Variants in NR6A1 observed in about 807,000 individuals in gnomAD.
NR6A1 encodes nuclear receptor subfamily 6 group A member 1.
Under a neutral mutation model 59.1 loss-of-function variants are expected in NR6A1, and 7 were observed. The observed-to-expected ratio is 0.12, with a 90% CI of 0.07 to 0.22. The LOEUF is 0.22. Among genes scored for constraint, NR6A1 ranks in the 10% least tolerant of loss-of-function variants. NR6A1 has a pLI of 1.00. For synonymous variants in NR6A1, 243 were observed against 236.1 expected, an observed-to-expected ratio of 1.03 and a Z score of -0.27; for missense variants, 468 against 611.6, an observed-to-expected ratio of 0.77 and a Z score of 2.48.
intron 2 of NR6A1, among the ~76,000 whole-genome samples, chr9:124,688,665 A>C (rs1360654248): frequency 2.0e-5 from 3 of 152,222 alleles, no homozygotes; most frequent in African/African-American, 7.2e-5. Flanking sequence ...CAAAAAAAGC[A>C]ACATCGTATC....
At chr9:124,677,815 T>G (rs1486687994) in intron 2 of NR6A1, among the ~76,000 whole-genome samples, 2 of 152,160 alleles carry the variant, frequency 1.3e-5, no homozygotes, top group Non-Finnish European at 2.9e-5. Context: ...CTTTATAGTT[T>G]GCCAATGTCT....
At chr9:124,664,299 T>C (rs1053343496) in intron 2 of NR6A1, among the ~76,000 whole-genome samples, 1 of 152,136 alleles carries the variant, frequency 6.6e-6, no homozygotes, top group Admixed American at 6.5e-5. Context: ...GTAAGGGAGA[T>C]TGTGCGATGT....
At chr9:124,702,214 G>A (rs1300981716) in intron 2 of NR6A1, among the ~76,000 whole-genome samples, 1 of 152,128 alleles carries the variant, frequency 6.6e-6, no homozygotes, top group East Asian at 1.9e-4. Flanking sequence ...ACAAAGATAT[G>A]CTTGATACAT....
chr9:124,752,127 T>C (rs761368312), intron 1 of NR6A1, among the ~76,000 whole-genome samples: 1 of 152,064 alleles, frequency 6.6e-6, no homozygotes, highest in Non-Finnish European at 1.5e-5. Flanking sequence ...AAATTAGCTG[T>C]GCATGGTGGC....
At chr9:124,588,597 GC>G (rs2131481797) in intron 2 of NR6A1, among the ~76,000 whole-genome samples, 1 of 149,054 alleles carries the variant, frequency 6.7e-6, no homozygotes, top group East Asian at 2.1e-4. Context: ...GTGAGCCACT[GC>G]ACCCAGGAAC....
At chr9:124,525,462 C>G (rs1382059071) in intron 8 of NR6A1, among the ~76,000 whole-genome samples, 1 of 152,060 alleles carries the variant, frequency 6.6e-6, no homozygotes, top group Non-Finnish European at 1.5e-5. Flanking sequence ...TCAATAGATT[C>G]TCCCACCTCA....
chr9:124,522,490 T>C lies in NR6A1; in HGVS notation c.*215A>G. The C allele has an allele frequency of 2.5e-6, 1 of 396,010 alleles. No homozygotes were observed. The highest frequency in any genetic ancestry group is 4.7e-6 in the Non-Finnish European group (1 of 211,534). The allele number at this position is 396,010 out of a possible 1,614,324, so 24.5% of individuals were successfully genotyped here. On this transcript the variant is annotated 3_prime_UTR_variant, in exon 10 of 10. Transcript: ENST00000487099. The stretch of plus-strand genomic sequence containing the variant: ...CATTCACACAAAAGCATGTGCATCA[T>C]GTTGAAGGCCATACATTCAACTCTG...
At chr9:124,636,255 C>T (rs571809513) in intron 2 of NR6A1, among the ~76,000 whole-genome samples, 47 of 152,118 alleles carry the variant, frequency 3.1e-4, no homozygotes, top group African/African-American at 1.1e-3. Flanking sequence ...AAGTAACAGT[C>T]CTCCATCAGG....
intron 2 of NR6A1, among the ~76,000 whole-genome samples, chr9:124,682,094 A>T (rs1838181503): frequency 6.6e-6 from 1 of 152,100 alleles, no homozygotes; most frequent in African/African-American, 2.4e-5. Flanking sequence ...TCCTTGGTTC[A>T]AGCGATTCTC....
chr9:124,730,000 A>G (rs1321720630), intron 2 of NR6A1, among the ~76,000 whole-genome samples: 1 of 151,800 alleles, frequency 6.6e-6, no homozygotes, highest in Non-Finnish European at 1.5e-5. Flanking sequence ...TTTAGTAGAG[A>G]TGGGGTTTCT....
At chr9:124,537,024 T>C (rs1833288060) in intron 6 of NR6A1, among the ~76,000 whole-genome samples, 1 of 151,432 alleles carries the variant, frequency 6.6e-6, no homozygotes, top group Admixed American at 6.6e-5. Context: ...GCTTTCTTCC[T>C]CTCAAGGCCC....
At chr9:124,701,365 C>A (rs1188257247) in intron 2 of NR6A1, among the ~76,000 whole-genome samples, 1 of 152,122 alleles carries the variant, frequency 6.6e-6, no homozygotes, top group Non-Finnish European at 1.5e-5. Flanking sequence ...TGTTCTTTTA[C>A]CCATGTTTTC....
At chr9:124,743,487 T>C (rs1245391505) in intron 1 of NR6A1, among the ~76,000 whole-genome samples, 1 of 152,242 alleles carries the variant, frequency 6.6e-6, no homozygotes, top group Non-Finnish European at 1.5e-5. Flanking sequence ...AGGGGGATAC[T>C]ATGCCCATGT....
At chr9:124,544,772 G>A (rs1183409928) in intron 3 of NR6A1, among the ~76,000 whole-genome samples, 1 of 152,200 alleles carries the variant, frequency 6.6e-6, no homozygotes, top group Non-Finnish European at 1.5e-5. Flanking sequence ...GGCCAATTGG[G>A]CCTAGATTAT....
At chr9:124,631,543 T>C (rs553819418) in intron 2 of NR6A1, among the ~76,000 whole-genome samples, 7 of 152,316 alleles carry the variant, frequency 4.6e-5, no homozygotes, top group African/African-American at 1.7e-4. Flanking sequence ...GACATATACA[T>C]TGTAGGGAGA....
intron 2 of NR6A1, among the ~76,000 whole-genome samples, chr9:124,555,191 T>C (rs961545501): frequency 6.6e-6 from 1 of 152,190 alleles, no homozygotes; most frequent in Non-Finnish European, 1.5e-5. Flanking sequence ...TGGAACTCAC[T>C]GACGAGCAAT....
rs988719088 is a variant in NR6A1, at chr9:124,771,073, C to T, written c.47G>A (p.Gly16Asp). Reference protein sequence around the residue: ...PPPSGGGGGGGSAGFLEPPAA... With the variant: ...PPPSGGGGGGDSAGFLEPPAA... ...GGGAGGCTCCAGGAACCCCGCCGAGCCCCCGCCGCCTCCCCCTCCGCTAGG... is the reference window on the plus strand; with the variant it reads ...GGGAGGCTCCAGGAACCCCGCCGAGTCCCCGCCGCCTCCCCCTCCGCTAGG... The change falls in exon 1 of 10, where the codon GGC becomes GAC. Residue 16 changes from glycine to aspartate, a missense_variant. Around this residue, in one of 4 missense-constraint regions of NR6A1, gnomAD observed 75 missense variants for 65.6 expected, o/e 1.14. Coordinates refer to ENST00000487099, the MANE Select transcript of NR6A1 (RefSeq NM_033334.4). 28 of 1,230,132 alleles carry T rather than the reference C, an allele frequency of 2.3e-5. No homozygotes were observed. Among genetic ancestry groups the T allele is most frequent in the East Asian group, 3.2e-5 (1 of 31,604 alleles). The allele number at this position is 1,230,132 out of a possible 1,614,324, so 76.2% of individuals were successfully genotyped here. A position where few individuals can be genotyped will look rare whatever the true frequency, so the allele number is the denominator to read the frequency against.
intron 1 of NR6A1, among the ~76,000 whole-genome samples, chr9:124,744,370 T>C (rs1840263039): frequency 6.6e-6 from 1 of 152,258 alleles, no homozygotes; most frequent in South Asian, 2.1e-4. Flanking sequence ...AGCTTGACAC[T>C]TTACATGAAT....
At chr9:124,561,561 A>C (rs187275803) in intron 2 of NR6A1, among the ~76,000 whole-genome samples, 10 of 152,362 alleles carry the variant, frequency 6.6e-5, no homozygotes, top group African/African-American at 2.2e-4. Context: ...TTTGCAAAGT[A>C]TAAGTGTTAG....
Sources: gnomAD v4.1 joint callset for allele counts (sites outside exome capture counted in the v4.1 genomes callset) on GRCh38, gnomAD v4.1.1 for gene constraint, gnomAD v4.1.1 regional missense constraint, MANE v1.5 for transcripts, NCBI Gene and HGNC (gene_info 2026-07-23, HGNC 2026-07-21) for gene names.